Variants in AUTS2 observed in about 807,000 individuals in gnomAD.
AUTS2 encodes the protein autism susceptibility gene 2 protein.
In AUTS2, 17 loss-of-function variants were observed where a neutral mutation model predicts 112.4. The observed-to-expected ratio is 0.15, with a 90% CI of 0.10 to 0.23. AUTS2 has a LOEUF of 0.23. AUTS2 is among the 10% of genes least tolerant of loss of function. The pLI, the probability that AUTS2 is intolerant of heterozygous loss-of-function variation, is 1.00. For synonymous variants in AUTS2, 751 were observed against 702.7 expected, an observed-to-expected ratio of 1.07 and a Z score of -1.09; for missense variants, 1,510 against 1,701.6, an observed-to-expected ratio of 0.89 and a Z score of 1.98.
In AUTS2 at chr7:70,290,442, C is replaced by T. The variant is rs1324944319; in HGVS notation, c.661-145310C>T. ...ATGATATGAAGAGGGATGTCAGCAA[C>T]ACTTCATCCTGGGCCAGTAATAGGG... On this transcript the variant is annotated intron_variant, in intron 4 of 18. Transcript: ENST00000342771. 4.5e-6 allele frequency: 7 copies of T among 1,543,362 alleles called. No individual in the cohort carries two copies. In the East Asian group the frequency reaches 1.5e-4, roughly 33 times the overall value.
chr7:70,512,880 G>T (rs1327603797), intron 5 of AUTS2, among the ~76,000 whole-genome samples: 1 of 151,828 alleles, frequency 6.6e-6, no homozygotes, highest in Admixed American at 6.6e-5. Context: ...ACACACTGGT[G>T]AGTGAAGTGT....
chr7:70,394,263 C>T (rs1793990983), intron 4 of AUTS2, among the ~76,000 whole-genome samples: 1 of 152,186 alleles, frequency 6.6e-6, no homozygotes, highest in African/African-American at 2.4e-5. Flanking sequence ...TCTTGAGTTT[C>T]CTGAGTGCCA....
At chr7:69,693,507 T>A (rs1201679984) in intron 1 of AUTS2, among the ~76,000 whole-genome samples, 1 of 152,186 alleles carries the variant, frequency 6.6e-6, no homozygotes, top group Non-Finnish European at 1.5e-5. Flanking sequence ...TGTGTGTTAT[T>A]TTGGGCTGTT....
rs532009904 is a variant in AUTS2, at chr7:70,760,948, G to T, written c.743-1922G>T. On this transcript the variant is annotated intron_variant, in intron 6 of 18. Transcript: ENST00000342771. ...CATCTCGCTGGTGTTATTGTTCCAG[G>T]CTGTTTGGAGAGACCTGAAGATAGC... Among the ~76,000 whole-genome samples, 186 of 152,214 alleles carry T rather than the reference G, an allele frequency of 1.2e-3. 1 individual carries two copies. The highest frequency in any genetic ancestry group is 6.2e-3 in the South Asian group (30 of 4,828).
At chr7:69,788,927 T>C (rs144601908) in intron 1 of AUTS2, among the ~76,000 whole-genome samples, 132 of 152,268 alleles carry the variant, frequency 8.7e-4, no homozygotes, top group African/African-American at 3.0e-3. Flanking sequence ...AGGGAAACGA[T>C]AGGACACTTG....
chr7:69,619,159 G>T (rs539680132), intron 1 of AUTS2, among the ~76,000 whole-genome samples: 1 of 152,264 alleles, frequency 6.6e-6, no homozygotes, highest in South Asian at 2.1e-4. Flanking sequence ...CTACTTTCAA[G>T]ATTCTGGAGG....
At chr7:70,241,534 T>C (rs1302575534) in intron 4 of AUTS2, among the ~76,000 whole-genome samples, 1 of 152,234 alleles carries the variant, frequency 6.6e-6, no homozygotes, top group African/African-American at 2.4e-5. Context: ...TTAGCTTTGA[T>C]GTGACTATTA....
At chr7:70,276,816 T>G (rs1787950615) in intron 4 of AUTS2, among the ~76,000 whole-genome samples, 1 of 152,132 alleles carries the variant, frequency 6.6e-6, no homozygotes, top group African/African-American at 2.4e-5. Context: ...TGAGGAAAGA[T>G]AGAGTCATGT....
intron 5 of AUTS2, among the ~76,000 whole-genome samples, chr7:70,454,652 T>A (rs1314452892): frequency 6.6e-6 from 1 of 152,236 alleles, no homozygotes; most frequent in Admixed American, 6.5e-5. Context: ...CCCAGCACTT[T>A]GCGACTGAGC....
chr7:70,616,418 G>C (rs1281709440), intron 5 of AUTS2, among the ~76,000 whole-genome samples: 1 of 152,230 alleles, frequency 6.6e-6, no homozygotes, highest in African/African-American at 2.4e-5. Flanking sequence ...CCCTGGCTGA[G>C]TGCTGAGGTA....
rs913988121 is a variant in AUTS2, at chr7:70,729,720, G to A, written c.742+31100G>A. On this transcript the variant is annotated intron_variant, in intron 6 of 18. Transcript: ENST00000342771. Reference sequence around the variant, plus strand: ...GACTTCAGAAATGTGAGGAAGCCAGGCCTCAAGTGCCCTCCTCTTTCAGAT... The same window carrying A: ...GACTTCAGAAATGTGAGGAAGCCAGACCTCAAGTGCCCTCCTCTTTCAGAT... Among the ~76,000 whole-genome samples, 10 of 152,196 alleles carry A rather than the reference G, an allele frequency of 6.6e-5. No individual in the cohort carries two copies. The South Asian group carries it at 1.2e-3, about 19-fold the overall frequency.
chr7:70,153,028 A>G (rs1373479695), intron 4 of AUTS2, among the ~76,000 whole-genome samples: 1 of 152,182 alleles, frequency 6.6e-6, no homozygotes, highest in Non-Finnish European at 1.5e-5. Context: ...TTAAAATGTT[A>G]TATATGTATG....
intron 1 of AUTS2, among the ~76,000 whole-genome samples, chr7:69,788,884 T>G (rs1789494569): frequency 6.6e-6 from 1 of 152,166 alleles, no homozygotes; most frequent in Admixed American, 6.6e-5. Flanking sequence ...GCTGTCCGGT[T>G]CAGCTCTGAC....
intron 1 of AUTS2, among the ~76,000 whole-genome samples, chr7:69,899,085 G>T (rs1208697320): frequency 1.3e-5 from 2 of 152,102 alleles, no homozygotes; most frequent in East Asian, 3.8e-4. Context: ...ATAATAGAAA[G>T]GATATATATA....
intron 1 of AUTS2, among the ~76,000 whole-genome samples, chr7:69,637,790 C>A (rs1225643404): frequency 6.6e-6 from 1 of 152,144 alleles, no homozygotes; most frequent in Non-Finnish European, 1.5e-5. Flanking sequence ...ACTGTGGCAT[C>A]TTGTATCAGG....
intron 5 of AUTS2, among the ~76,000 whole-genome samples, chr7:70,478,478 C>G (rs1313713641): frequency 6.6e-6 from 1 of 152,176 alleles, no homozygotes; most frequent in East Asian, 1.9e-4. Context: ...AAGGGACTCC[C>G]TGCCTTGCCT....
At chr7:70,782,888 C>A (rs557876934) in intron 15 of AUTS2, 1 of 152,140 alleles carries the variant, frequency 6.6e-6, no homozygotes, top group Non-Finnish European at 1.5e-5. Flanking sequence ...AAAGCAAGTG[C>A]GTCCCCCTGG....
At chr7:69,839,251 C>G (rs1303997763) in intron 1 of AUTS2, among the ~76,000 whole-genome samples, 1 of 152,020 alleles carries the variant, frequency 6.6e-6, no homozygotes, top group Non-Finnish European at 1.5e-5. Flanking sequence ...TTACAGTGCT[C>G]CAGGGTCATC....
intron 2 of AUTS2, among the ~76,000 whole-genome samples, chr7:69,939,533 T>C (rs1413433778): frequency 6.6e-6 from 1 of 152,176 alleles, no homozygotes; most frequent in African/African-American, 2.4e-5. Context: ...TGAAACACTA[T>C]CTGTGTGAAG....
Sources: allele counts gnomAD v4.1 joint callset (sites outside exome capture counted in the v4.1 genomes callset), GRCh38; gene constraint gnomAD v4.1.1; transcripts MANE v1.5; gene names NCBI Gene and HGNC (gene_info 2026-07-23, HGNC 2026-07-21).